The following LRP6 variants were observed in gnomAD, a reference collection of about 807,000 sequenced individuals.
LRP6 encodes the protein LDL receptor related protein 6, also known as low-density lipoprotein receptor-related protein 6.
A neutral mutation model predicts 184.1 loss-of-function variants in LRP6; 43 were observed. That is an observed-to-expected ratio of 0.23 (90% CI 0.18 to 0.30). The LOEUF (loss-of-function observed/expected upper bound fraction) is 0.30, where lower values mean the gene tolerates loss of function less well. Ranked by LOEUF, LRP6 falls within the 10% of genes least tolerant of loss-of-function variation. The probability of loss-of-function intolerance (pLI) is 1.00; values close to 1 mark genes in which losing one functional copy is unlikely to be tolerated. For synonymous variants in LRP6, 719 were observed against 684.9 expected (o/e 1.05, Z -0.78); for missense variants, 1,571 against 2,005.3 (o/e 0.78, Z 4.14).
chr12:12,242,702 A>G (rs921192810), intron 2 of LRP6, among the ~76,000 whole-genome samples: 2 of 152,196 alleles, frequency 1.3e-5, no homozygotes, highest in South Asian at 4.1e-4. Context: ...AGCCACTACA[A>G]TATTTCCTGG....
intron 7 of LRP6, among the ~76,000 whole-genome samples, chr12:12,167,734 A>C (rs768595969): frequency 1.3e-5 from 2 of 152,190 alleles, no homozygotes; most frequent in Non-Finnish European, 1.5e-5. Context: ...TATTAGGTGC[A>C]CTATCTGGTA....
intron 1 of LRP6, among the ~76,000 whole-genome samples, chr12:12,247,529 A>G (rs74326199): frequency 1.4e-3 from 206 of 152,314 alleles, no homozygotes; most frequent in African/African-American, 4.7e-3. Flanking sequence ...AGTTAGCAAT[A>G]CTGGTTACAA....
chr12:12,237,831 T>C (rs1050402594), intron 2 of LRP6, among the ~76,000 whole-genome samples: 3 of 152,142 alleles, frequency 2.0e-5, no homozygotes, highest in Non-Finnish European at 2.9e-5. Context: ...GATAACTAAA[T>C]GCAAAATGGT....
intron 1 of LRP6, among the ~76,000 whole-genome samples, chr12:12,263,732 G>A (rs1865686256): frequency 6.6e-6 from 1 of 151,882 alleles, no homozygotes; most frequent in Non-Finnish European, 1.5e-5. Flanking sequence ...TACTTGGGAG[G>A]CTGAGGTGGG....
At chr12:12,211,317 CT>C (rs1351177592) in intron 2 of LRP6, among the ~76,000 whole-genome samples, 4 of 152,126 alleles carry the variant, frequency 2.6e-5, no homozygotes, top group African/African-American at 9.7e-5. Context: ...TGGTGGGCAC[CT>C]GTAATCACAG....
At chr12:12,179,226 T>C (rs1441055018) in intron 7 of LRP6, among the ~76,000 whole-genome samples, 1 of 152,166 alleles carries the variant, frequency 6.6e-6, no homozygotes. Flanking sequence ...ACTTGGTAAA[T>C]ATTTTTTCCC....
At chr12:12,155,831 A>C in intron 12 of LRP6, 2 of 677,194 alleles carry the variant, frequency 3.0e-6, no homozygotes, top group Non-Finnish European at 5.3e-6. Context: ...AGGTTAAATA[A>C]TTTTCCCAAG....
chr12:12,205,966 T>G (rs377040447), intron 2 of LRP6, among the ~76,000 whole-genome samples: 22 of 152,322 alleles, frequency 1.4e-4, no homozygotes, highest in African/African-American at 5.3e-4. Flanking sequence ...AAAACTACAA[T>G]ACTGTATTGT....
intron 2 of LRP6, among the ~76,000 whole-genome samples, chr12:12,217,661 C>A (rs12319942): frequency 6.6e-6 from 1 of 151,862 alleles, no homozygotes; most frequent in Non-Finnish European, 1.5e-5. Context: ...GTAATCAAGA[C>A]AGTGTGATAC....
chr12:12,238,416 GC>G, intron 2 of LRP6, among the ~76,000 whole-genome samples: 1 of 152,086 alleles, frequency 6.6e-6, no homozygotes, highest in South Asian at 2.1e-4. Context: ...CGACAAAAAT[GC>G]TTAGATTCTA....
intron 15 of LRP6, among the ~76,000 whole-genome samples, chr12:12,140,057 T>C (rs934790160): frequency 4.6e-5 from 7 of 152,042 alleles, no homozygotes; most frequent in Non-Finnish European, 8.8e-5. Context: ...TTTTTAAGCC[T>C]CATACTAAAT....
rs889858188 is a variant in LRP6 at position 12,120,934 on chromosome 12, G to C, written c.*192C>G. 1 of 479,756 alleles carries C rather than the reference G, an allele frequency of 2.1e-6. No individual in the cohort carries two copies. The highest frequency in any genetic ancestry group is 3.5e-6 in the Non-Finnish European group (1 of 284,666). 29.7% of individuals were successfully genotyped at this position (479,756 alleles called of 1,614,324 possible). On this transcript the variant is annotated 3_prime_UTR_variant, in exon 23 of 23. Coordinates refer to ENST00000261349, the MANE Select transcript of LRP6 (RefSeq NM_002336.3). ...TTATGGCACAAGCAGCAAATCTGCT[G>C]TTTTAAGAAAATATATAAATATCCT...
chr12:12,121,233 A>T lies in LRP6; in HGVS notation c.4735T>A (p.Ser1579Thr). Residue 1579 changes from serine (S) to threonine (T), a missense_variant, in exon 23 of 23, where the codon TCA (serine) becomes ACA (threonine). Coordinates refer to ENST00000261349, the MANE Select transcript of LRP6 (RefSeq NM_002336.3). Reference protein sequence around the residue: ...PPPTPRSQYLSAEENYESCPP... With the variant: ...PPPTPRSQYLTAEENYESCPP... ...CAGCTTTCATAGTTCTCCTCTGCTGACAAGTATTGGCTTCGGGGTGTGGGA... is the reference window on the plus strand; with the variant it reads ...CAGCTTTCATAGTTCTCCTCTGCTGTCAAGTATTGGCTTCGGGGTGTGGGA... The T allele has an allele frequency of 1.2e-6, 2 of 1,614,126 alleles. No homozygotes were observed. The highest frequency in any genetic ancestry group is 1.1e-5 in the South Asian group (1 of 91,076).
At chr12:12,174,204 C>T (rs965165378) in intron 7 of LRP6, among the ~76,000 whole-genome samples, 3 of 151,906 alleles carry the variant, frequency 2.0e-5, no homozygotes, top group East Asian at 1.9e-4. Context: ...CTCCGCCACC[C>T]GGGTTCAAGC....
intron 2 of LRP6, among the ~76,000 whole-genome samples, chr12:12,220,509 A>G (rs1864459073): frequency 6.6e-6 from 1 of 152,172 alleles, no homozygotes; most frequent in Non-Finnish European, 1.5e-5. Context: ...TGAATAGCCC[A>G]ATATCCTCTT....
At chr12:12,212,474 C>T (rs1267850281) in intron 2 of LRP6, among the ~76,000 whole-genome samples, 2 of 152,192 alleles carry the variant, frequency 1.3e-5, no homozygotes, top group African/African-American at 4.8e-5. Flanking sequence ...CTCTAGCCAA[C>T]AACTGCTCGG....
chr12:12,203,369 G>C lies in LRP6; in HGVS notation c.481C>G (p.Pro161Ala). 1 of 1,613,848 alleles carries C rather than the reference G, an allele frequency of 6.2e-7. No homozygotes were observed. Among genetic ancestry groups the C allele is most frequent in the Non-Finnish European group, 8.5e-7 (1 of 1,179,838 alleles). ...TCCATTCCAGCACGTTCTATCTTTGGCACTTCTCCCCAGTCTGTCCAGTAC... is the reference window on the plus strand; with the variant it reads ...TCCATTCCAGCACGTTCTATCTTTGCCACTTCTCCCCAGTCTGTCCAGTAC... ...FMYWTDWGEV[P>A]KIERAGMDGS... is the part of the protein sequence containing the mutation. Residue 161 changes from proline to alanine, a missense_variant, in exon 3 of 23, where the codon CCA becomes GCA. Coordinates refer to ENST00000261349, the MANE Select transcript of LRP6 (RefSeq NM_002336.3).
chr12:12,163,473 GAAA>G (rs536023214), intron 9 of LRP6, among the ~76,000 whole-genome samples: 145 of 152,292 alleles, frequency 9.5e-4, no homozygotes, highest in African/African-American at 3.4e-3. Context: ...TCTGGAAGAA[GAAA>G]AGATTATTCT....
Position 12,249,029 on chromosome 12 carries a change from A to T in LRP6, c.56-4374T>A. On this transcript the variant is annotated intron_variant, in intron 1 of 22. Transcript: ENST00000261349. Reference sequence around the variant, plus strand: ...AGGCTCGGGGGTAAAAGTCCCTTGCAATTTCCCACTTTTGGAAGAACTCAA... The same window carrying T: ...AGGCTCGGGGGTAAAAGTCCCTTGCTATTTCCCACTTTTGGAAGAACTCAA... 4.6e-6 allele frequency: 3 copies of T among 653,996 alleles called. No individual in the cohort carries two copies. In the South Asian group the frequency reaches 4.9e-5, roughly 11 times the overall value. 40.5% of individuals were successfully genotyped at this position (653,996 alleles called of 1,614,324 possible).
Sources: allele counts gnomAD v4.1 joint callset (sites outside exome capture counted in the v4.1 genomes callset), GRCh38; gene constraint gnomAD v4.1.1; transcripts MANE v1.5; gene names NCBI Gene and HGNC (gene_info 2026-07-23, HGNC 2026-07-21).